The following TRAPPC9 variants were observed in gnomAD, a reference collection of about 807,000 sequenced individuals.
TRAPPC9 encodes the protein IKK2 binding protein.
Under a neutral mutation model 124.0 loss-of-function variants are expected in TRAPPC9, and 83 were observed. The observed-to-expected ratio is 0.67, with a 90% CI of 0.56 to 0.80. The LOEUF (loss-of-function observed/expected upper bound fraction) is 0.80. TRAPPC9 is among the 30% of genes least tolerant of loss of function. The probability of loss-of-function intolerance (pLI) is 0.00; values close to 1 mark genes in which losing one functional copy is unlikely to be tolerated. For missense variants in TRAPPC9, 1,302 were observed against 1,508.3 expected (o/e 0.86, Z 2.27); for synonymous variants, 638 against 617.5 (o/e 1.03, Z -0.49).
intron 21 of TRAPPC9, among the ~76,000 whole-genome samples, chr8:139,767,798 T>C (rs1820682779): frequency 6.6e-6 from 1 of 152,230 alleles, no homozygotes; most frequent in Non-Finnish European, 1.5e-5. Flanking sequence ...TGTAGCACAA[T>C]TCTTTTTGGC....
rs2130436863 is a variant in TRAPPC9, at chr8:139,770,307, C to G, written c.3056-38105G>C. On this transcript the variant is annotated intron_variant, in intron 21 of 22. Coordinates refer to ENST00000438773, the MANE Select transcript of TRAPPC9 (RefSeq NM_001160372.4). The stretch of plus-strand genomic sequence containing the variant: ...GGCTGGGACCTCGACCTGAAGAAGC[C>G]CTGGCTCCCGGAAGCCGGTCCTCAC... 2.0e-5 allele frequency among the ~76,000 whole-genome samples: 3 copies of G among 152,364 alleles called. No individual in the cohort carries two copies. In the Middle Eastern group the frequency reaches 0.01, roughly 518 times the overall value.
At position 140,435,430 on chromosome 8, in the gene TRAPPC9, C is replaced by T. The variant is rs116152098; in HGVS notation, c.731-190G>A. Among the ~76,000 whole-genome samples the T allele has an allele frequency of 1.1e-3, 166 of 152,256 alleles. 1 individual carries two copies. The highest frequency in any genetic ancestry group is 3.8e-3 in the African/African-American group (160 of 41,560). Reference sequence around the variant, plus strand: ...AAACCTAAAGATCACTAGTTTTTTGCAAATGGGAACTTGCCACCTGTCTTT... The same window carrying T: ...AAACCTAAAGATCACTAGTTTTTTGTAAATGGGAACTTGCCACCTGTCTTT... On this transcript the variant is annotated intron_variant, in intron 3 of 22. Coordinates refer to ENST00000438773, the MANE Select transcript of TRAPPC9 (RefSeq NM_001160372.4).
chr8:139,820,077 G>T (rs1348526103), intron 21 of TRAPPC9, among the ~76,000 whole-genome samples: 2 of 147,486 alleles, frequency 1.4e-5, no homozygotes, highest in African/African-American at 2.5e-5. Context: ...AAAGGGAAAA[G>T]AAGTTACAAG....
intron 17 of TRAPPC9, among the ~76,000 whole-genome samples, chr8:140,079,252 G>A (rs139805187): frequency 2.1e-4 from 32 of 152,214 alleles, no homozygotes; most frequent in African/African-American, 7.7e-4. Flanking sequence ...ACTCAGTCTC[G>A]GGTATGTCTT....
At chr8:140,229,298 T>C (rs536464244) in intron 16 of TRAPPC9, among the ~76,000 whole-genome samples, 1 of 136,548 alleles carries the variant, frequency 7.3e-6, no homozygotes, top group African/African-American at 2.8e-5. Context: ...ACAATCTCTC[T>C]GTCGCCCAGG....
At chr8:140,328,801 G>T (rs1267423395) in intron 9 of TRAPPC9, among the ~76,000 whole-genome samples, 2 of 152,116 alleles carry the variant, frequency 1.3e-5, no homozygotes, top group Non-Finnish European at 2.9e-5. Flanking sequence ...AGTCTAATTA[G>T]CATAGTTATA....
intron 15 of TRAPPC9, among the ~76,000 whole-genome samples, chr8:140,261,314 G>A (rs995419240): frequency 6.6e-6 from 1 of 152,182 alleles, no homozygotes; most frequent in Non-Finnish European, 1.5e-5. Flanking sequence ...GCTAGGTTCT[G>A]GGGACAGAGA....
intron 17 of TRAPPC9, among the ~76,000 whole-genome samples, chr8:140,072,594 AGGAGG>A (rs1843244385): frequency 7.7e-4 from 2 of 2,594 alleles, no homozygotes; most frequent in African/African-American, 1.9e-3. Context: ...GGAGAAGGGA[AGGAGG>A]AGGAGGAGGA....
intron 19 of TRAPPC9, among the ~76,000 whole-genome samples, chr8:139,965,790 A>AAGGGGAAATACAAACAATGCAAT (rs1587360302): frequency 6.6e-6 from 1 of 152,136 alleles, no homozygotes; most frequent in African/African-American, 2.4e-5. Context: ...CATGTTGAGC[A>AAGGGGAAATACAAACAATGCAAT]GAGTTGGCTA....
At chr8:140,001,227 T>C (rs549501509) in intron 18 of TRAPPC9, among the ~76,000 whole-genome samples, 15 of 152,226 alleles carry the variant, frequency 9.9e-5, no homozygotes, top group African/African-American at 3.6e-4. Context: ...CACCAGGGCC[T>C]GTCACGCACA....
At chr8:140,415,382 C>T (rs2069883142) in intron 5 of TRAPPC9, among the ~76,000 whole-genome samples, 2 of 151,650 alleles carry the variant, frequency 1.3e-5, no homozygotes, top group African/African-American at 4.8e-5. Flanking sequence ...GGTGAAACCC[C>T]ATCTCTACTA....
At chr8:140,146,351 G>A (rs143466142) in intron 17 of TRAPPC9, among the ~76,000 whole-genome samples, 1 of 152,364 alleles carries the variant, frequency 6.6e-6, no homozygotes, top group African/African-American at 2.4e-5. Context: ...GGATGCCAGT[G>A]GCCACAGCAG....
Position 140,367,425 on chromosome 8 carries a change from A to C in TRAPPC9, c.1351+3539T>G, listed in dbSNP as rs751926279. The stretch of plus-strand genomic sequence containing the variant: ...TAATGAGCTATCAAGCTGAGAAAAG[A>C]TATGAAGGAAACTTAAATGTATATT... On this transcript the variant is annotated intron_variant, in intron 8 of 22. Coordinates refer to ENST00000438773, the MANE Select transcript of TRAPPC9 (RefSeq NM_001160372.4). 2.6e-5 allele frequency among the ~76,000 whole-genome samples: 4 copies of C among 152,224 alleles called. No individual in the cohort carries two copies. In the South Asian group the frequency reaches 8.3e-4, roughly 32 times the overall value.
At chr8:140,009,075 G>A (rs1295735253) in intron 18 of TRAPPC9, among the ~76,000 whole-genome samples, 1 of 152,126 alleles carries the variant, frequency 6.6e-6, no homozygotes, top group African/African-American at 2.4e-5. Flanking sequence ...GAGGTCTACG[G>A]TCCTGTAGCT....
chr8:140,200,693 A>G lies in TRAPPC9; in HGVS notation c.2556+20766T>C, dbSNP rs534290991. ...GAAAAACAAGGAGAGACAAGCCATC[A>G]TAAACCGGAAGACACTAAGAAGACC... On this transcript the variant is annotated intron_variant, in intron 17 of 22. Transcript: ENST00000438773. Among the ~76,000 whole-genome samples the G allele has an allele frequency of 1.9e-3, 292 of 152,324 alleles. 6 individuals carry two copies. The highest frequency in any genetic ancestry group is 4.6e-4 in the Non-Finnish European group (31 of 68,030).
At position 139,887,661 on chromosome 8, in the gene TRAPPC9, A is replaced by G. The variant is rs113297412; in HGVS notation, c.2965-1692T>C. Among the ~76,000 whole-genome samples the G allele has an allele frequency of 5.9e-3, 893 of 152,064 alleles. 7 individuals are homozygous for G. Among genetic ancestry groups the G allele is most frequent in the African/African-American group, 0.019 (802 of 41,462 alleles). On this transcript the variant is annotated intron_variant, in intron 20 of 22. Coordinates refer to ENST00000438773, the MANE Select transcript of TRAPPC9 (RefSeq NM_001160372.4). The stretch of plus-strand genomic sequence containing the variant: ...CTGCCCTCTTCTCTTCCCTGACTTT[A>G]TATCTCAACCTGACCTTGCTTCTCC...
chr8:140,381,691 A>AT (rs2068614915), intron 7 of TRAPPC9, among the ~76,000 whole-genome samples: 1 of 150,208 alleles, frequency 6.7e-6, no homozygotes. Flanking sequence ...AAAAAAAAAA[A>AT]GCACATGGGA....
At chr8:139,945,695 G>T (rs1834171897) in intron 19 of TRAPPC9, among the ~76,000 whole-genome samples, 1 of 152,134 alleles carries the variant, frequency 6.6e-6, no homozygotes, top group Non-Finnish European at 1.5e-5. Context: ...AGTGCATAAG[G>T]TGTGCTCACC....
At chr8:139,892,098 C>T (rs553790275) in intron 20 of TRAPPC9, among the ~76,000 whole-genome samples, 17 of 152,336 alleles carry the variant, frequency 1.1e-4, no homozygotes, top group Non-Finnish European at 2.2e-4. Context: ...ATACATGGGC[C>T]GCCACAAGCA....
Sources: allele counts gnomAD v4.1 joint callset (sites outside exome capture counted in the v4.1 genomes callset), GRCh38; gene constraint gnomAD v4.1.1; transcripts MANE v1.5; gene names NCBI Gene and HGNC (gene_info 2026-07-23, HGNC 2026-07-21).